Variants in RNASE12 observed in about 807,000 individuals in gnomAD.
RNASE12 encodes the protein probable inactive ribonuclease-like protein 12.
For missense variants in RNASE12, 161 were observed against 177.6 expected (o/e 0.91, Z 0.53); for synonymous variants, 55 against 59.8 (o/e 0.92, Z 0.37).
chr14:20,590,908 G>A (rs1884565560), upstream of RNASE12: 1 of 1,431,120 alleles, frequency 7.0e-7, no homozygotes, highest in Non-Finnish European at 9.2e-7. Context: ...CCAGCTGGAG[G>A]CATAGTTCCC....
At chr14:20,590,857 C>T, upstream of RNASE12, 5 of 1,467,646 alleles carry the variant, frequency 3.4e-6, no homozygotes, top group Non-Finnish European at 3.6e-6. Flanking sequence ...TATTTTATTT[C>T]CTTCTCTCCA....
upstream of RNASE12, chr14:20,590,957 T>C (rs1252570329): frequency 4.3e-6 from 6 of 1,401,216 alleles, no homozygotes; most frequent in East Asian, 1.1e-4. Flanking sequence ...TCTCAGAGTT[T>C]GGTACTGAGC....
chr14:20,591,090 G>T, upstream of RNASE12: 3 of 985,264 alleles, frequency 3.0e-6, no homozygotes, highest in Non-Finnish European at 3.6e-6. Context: ...TATAGAAAGT[G>T]GTCAAGGTTA....
exon 1 of RNASE12, chr14:20,590,245 GA>G: frequency 6.2e-7 from 1 of 1,604,062 alleles, no homozygotes; most frequent in Non-Finnish European, 8.5e-7. Context: ...ATGCCATTGA[GA>G]GAAGAGATCT....
chr14:20,591,006 A>G, upstream of RNASE12: 1 of 985,378 alleles, frequency 1.0e-6, no homozygotes, highest in South Asian at 4.7e-5. Context: ...GTTTTGTTCT[A>G]CAAGTTCTTT....
chr14:20,590,209 G>T, exon 1 of RNASE12: 1 of 1,574,504 alleles, frequency 6.4e-7, no homozygotes, highest in East Asian at 2.2e-5. Context: ...CACGGTCCAG[G>T]TCTGCCTCAG....
chr14:20,590,816 C>G, exon 1 of RNASE12: 3 of 1,540,450 alleles, frequency 1.9e-6, no homozygotes, highest in Admixed American at 4.0e-5. Flanking sequence ...TCCTCCTGCT[C>G]CAACCCCTGG....
upstream of RNASE12, chr14:20,591,150 C>G: frequency 1.0e-6 from 1 of 985,224 alleles, no homozygotes; most frequent in Non-Finnish European, 1.2e-6. Context: ...AACCTTAAAT[C>G]CACCCAATTG....
Position 20,590,745 on chromosome 14 carries a change from A to G in RNASE12, c.-22T>C, listed in dbSNP as rs776484610. ...TCATCAGAGGTAAGAGTGACTTCGC[A>G]TCTTTGGCTTTGACTGCTGTTGAGT... On this transcript the variant is annotated 5_prime_UTR_variant, in exon 1 of 1. An upstream start codon of the reference 5' UTR is lost. Transcript: ENST00000556526. 6.9e-6 allele frequency: 11 copies of G among 1,605,204 alleles called. 1 individual carries two copies. The South Asian group carries it at 1.1e-4, about 16-fold the overall frequency.
chr14:20,590,263 C>G (rs771334908), exon 1 of RNASE12: 4 of 1,610,006 alleles, frequency 2.5e-6, no homozygotes, highest in East Asian at 2.2e-5. Context: ...ATCTCAGACT[C>G]GGGAGCTGAT....
chr14:20,590,182 A>C, downstream of RNASE12: 1 of 1,524,452 alleles, frequency 6.6e-7, no homozygotes, highest in South Asian at 1.3e-5. Flanking sequence ...CTTCCGCTCA[A>C]GGCATTGCCC....
At chr14:20,590,188 T>C, downstream of RNASE12, 10 of 1,534,658 alleles carry the variant, frequency 6.5e-6, no homozygotes, top group Non-Finnish European at 8.7e-6. Context: ...CTCAAGGCAT[T>C]GCCCCATGTC....
chr14:20,591,213 C>T (rs1333504455), upstream of RNASE12: 2 of 983,994 alleles, frequency 2.0e-6, no homozygotes, highest in Non-Finnish European at 2.4e-6. Flanking sequence ...CCTTCCAAGT[C>T]CCTCCCTCTG....
At chr14:20,590,801 C>T in exon 1 of RNASE12, 1 of 1,564,418 alleles carries the variant, frequency 6.4e-7, no homozygotes, top group East Asian at 2.3e-5. Flanking sequence ...AAAGGACAGT[C>T]AGATTCCTCC....
At chr14:20,590,738 A>G in exon 1 of RNASE12, 1 of 1,607,364 alleles carries the variant, frequency 6.2e-7, no homozygotes, top group Non-Finnish European at 8.5e-7. Flanking sequence ...GGTAAGAGTG[A>G]CTTCGCATCT....
At chr14:20,590,540 A>G (rs1158033475) in exon 1 of RNASE12, 1 of 1,614,200 alleles carries the variant, frequency 6.2e-7, no homozygotes, top group South Asian at 1.1e-5. Context: ...TCCTTTTTAC[A>G]AGTGTGGTCA....
At chr14:20,591,268 T>G (rs1191559511), upstream of RNASE12, 4 of 985,304 alleles carry the variant, frequency 4.1e-6, no homozygotes, top group Non-Finnish European at 4.8e-6. Context: ...CCTGTCATTT[T>G]TCTGGTCACT....
exon 1 of RNASE12, chr14:20,590,469 C>A: frequency 6.2e-7 from 1 of 1,614,252 alleles, no homozygotes; most frequent in Non-Finnish European, 8.5e-7. Context: ...GGCAAGCAAC[C>A]TTCTTGGGAG....
At chr14:20,590,448 C>G (rs150863419) in exon 1 of RNASE12, 3 of 1,614,020 alleles carry the variant, frequency 1.9e-6, no homozygotes, top group Non-Finnish European at 1.7e-6. Flanking sequence ...AGAAAATGGC[C>G]GAAAGGTTTT....
Sources: allele counts gnomAD v4.1 joint callset, GRCh38; gene constraint gnomAD v4.1.1; transcripts MANE v1.5; gene names NCBI Gene and HGNC (gene_info 2026-07-23, HGNC 2026-07-21).